Variants in SFT2D1 observed in about 807,000 individuals in gnomAD.
SFT2D1 encodes vesicle transport protein SFT2A.
SFT2D1 carries 24 observed loss-of-function variants against 28.1 expected under a neutral mutation model. The observed-to-expected ratio is 0.85, with a 90% CI of 0.62 to 1.20. The LOEUF is 1.20. Among genes scored for constraint, SFT2D1 ranks in the 50% most tolerant of loss-of-function variants. The pLI is 0.00. For missense variants in SFT2D1, 181 were observed against 190.9 expected (o/e 0.95, Z 0.31); for synonymous variants, 82 against 73.7 (o/e 1.11, Z -0.58).
chr6:166,324,546 G>A lies in SFT2D1; in HGVS notation c.401C>T (p.Ser134Leu), dbSNP rs369011491. ...AVLFCILQFL[S>L]MTWYSLSYIP... ...GTAAGGAAAGACTTACCAGGTCATT[G>A]ACAAGAACTGCAATATGCAGAATAA... Residue 134 changes from serine (S) to leucine (L), a missense_variant, in exon 6 of 8, where the codon TCA becomes TTA. Coordinates refer to ENST00000361731, the MANE Select transcript of SFT2D1 (RefSeq NM_145169.3). The A allele has an allele frequency of 1.2e-5, 19 of 1,612,130 alleles. No individual in the cohort carries two copies. Among genetic ancestry groups the A allele is most frequent in the Non-Finnish European group, 1.4e-5 (17 of 1,179,612 alleles).
At chr6:166,328,855 A>G (rs1168455635) in intron 3 of SFT2D1, among the ~76,000 whole-genome samples, 2 of 152,230 alleles carry the variant, frequency 1.3e-5, no homozygotes, top group Admixed American at 1.3e-4. Flanking sequence ...GACAAACAAC[A>G]ACCCAAAGAT....
chr6:166,329,750 A>T (rs1349816038), intron 2 of SFT2D1, among the ~76,000 whole-genome samples, 161 bp from the exon 3 acceptor site: 1 of 152,188 alleles, frequency 6.6e-6, no homozygotes, highest in East Asian at 1.9e-4. Flanking sequence ...AAAATAGTTA[A>T]TTTTCAATGT....
At chr6:166,324,326 G>A (rs1778405728) in intron 6 of SFT2D1, 1 of 481,598 alleles carries the variant, frequency 2.1e-6, no homozygotes. Context: ...AACTCTACGA[G>A]CACAGCACCC....
At chr6:166,323,015 C>G in intron 6 of SFT2D1, 129 bp from the exon 7 acceptor site, 1 of 692,014 alleles carries the variant, frequency 1.4e-6, no homozygotes, top group East Asian at 2.8e-5. Context: ...AAAGTGTGAC[C>G]CCGACCAGCA....
intron 1 of SFT2D1, among the ~76,000 whole-genome samples, chr6:166,339,285 C>T (rs1401905153): frequency 6.6e-6 from 1 of 152,098 alleles, no homozygotes; most frequent in East Asian, 1.9e-4. Flanking sequence ...GGTGTCTGCC[C>T]TCCTCACTGC....
At chr6:166,334,748 C>T (rs1462651003) in intron 1 of SFT2D1, 17 of 361,176 alleles carry the variant, frequency 4.7e-5, no homozygotes, top group South Asian at 4.3e-4. Context: ...ACCAAGCACT[C>T]TGGGGCTTTG....
At position 166,340,942 on chromosome 6, in the gene SFT2D1, C is replaced by A. The variant is rs1778767811; in HGVS notation, c.63+1477G>T. Among the ~76,000 whole-genome samples the A allele has an allele frequency of 2.0e-5, 3 of 152,316 alleles. No individual in the cohort carries two copies. In the South Asian group the frequency reaches 6.2e-4, roughly 32 times the overall value. On this transcript the variant is annotated intron_variant, in intron 1 of 7. Coordinates refer to ENST00000361731, the MANE Select transcript of SFT2D1 (RefSeq NM_145169.3). ...ACTTCTCCACATATCTTTCTCCCCT[C>A]TAGACAGTGGGCTCAAGATAAGTGA...
At chr6:166,324,436 C>CA in intron 6 of SFT2D1, 101 bp downstream of exon 6, 5 of 1,196,824 alleles carry the variant, frequency 4.2e-6, no homozygotes, top group Non-Finnish European at 4.8e-6. Context: ...TGTCTGGCTC[C>CA]AAAACACCAG....
At chr6:166,328,658 C>T (rs551760770) in intron 3 of SFT2D1, among the ~76,000 whole-genome samples, 6 of 152,330 alleles carry the variant, frequency 3.9e-5, no homozygotes, top group East Asian at 1.9e-4. Context: ...GAGAGGCTGC[C>T]TGGGGGTTGC....
intron 1 of SFT2D1, among the ~76,000 whole-genome samples, chr6:166,340,937 C>T (rs772819655): frequency 5.9e-5 from 9 of 152,188 alleles, no homozygotes; most frequent in Non-Finnish European, 1.0e-4. Context: ...ATATCTTTCT[C>T]CCCTCTAGAC....
intron 1 of SFT2D1, chr6:166,335,207 G>A (rs1226770617): frequency 4.9e-6 from 3 of 614,466 alleles, no homozygotes; most frequent in Non-Finnish European, 6.1e-6. Flanking sequence ...GGTTTTGGTG[G>A]GAATGACAAC....
At chr6:166,331,691 G>T (rs1464181251) in intron 1 of SFT2D1, among the ~76,000 whole-genome samples, 2 of 152,234 alleles carry the variant, frequency 1.3e-5, no homozygotes, top group African/African-American at 4.8e-5. Flanking sequence ...CATAGTAAAT[G>T]ATCTGTTAAA....
chr6:166,337,864 C>T (rs1316809048), intron 1 of SFT2D1, among the ~76,000 whole-genome samples: 1 of 152,148 alleles, frequency 6.6e-6, no homozygotes, highest in East Asian at 1.9e-4. Flanking sequence ...GGTGATGGTA[C>T]TGGAAGATGG....
intron 1 of SFT2D1, among the ~76,000 whole-genome samples, chr6:166,336,110 T>G (rs767658654): frequency 3.9e-5 from 6 of 152,242 alleles, no homozygotes; most frequent in Non-Finnish European, 8.8e-5. Flanking sequence ...AAACGTGCTG[T>G]GTAAAGTTAG....
intron 4 of SFT2D1, among the ~76,000 whole-genome samples, chr6:166,327,790 A>G (rs2114897646): frequency 6.6e-6 from 1 of 151,684 alleles, no homozygotes; most frequent in Non-Finnish European, 1.5e-5. Context: ...CTCTATAACC[A>G]CATAGGATAT....
intron 1 of SFT2D1, 60 bp from the exon 2 acceptor site, chr6:166,330,307 T>C: frequency 8.6e-7 from 1 of 1,168,168 alleles, no homozygotes; most frequent in Non-Finnish European, 1.2e-6. Context: ...TCTGATTCTT[T>C]ATACTAAATT....
At chr6:166,339,464 C>T (rs184099229) in intron 1 of SFT2D1, among the ~76,000 whole-genome samples, 60 of 152,276 alleles carry the variant, frequency 3.9e-4, no homozygotes, top group Admixed American at 3.1e-3. Flanking sequence ...ACATGTTCCC[C>T]GACCCCACTG....
intron 7 of SFT2D1, among the ~76,000 whole-genome samples, chr6:166,321,887 A>C (rs1778364581): frequency 6.6e-6 from 1 of 152,104 alleles, no homozygotes. Context: ...TTTCCCAGTA[A>C]CTTCCTTTTT....
At position 166,338,224 on chromosome 6, in the gene SFT2D1, T is replaced by C. The variant is rs186139571; in HGVS notation, c.63+4195A>G. ...AACTCTGTAGAATGTTCCGGCATTATGTTCTTGTCATCTAACTCCCAACAA... is the reference window on the plus strand; with the variant it reads ...AACTCTGTAGAATGTTCCGGCATTACGTTCTTGTCATCTAACTCCCAACAA... On this transcript the variant is annotated intron_variant, in intron 1 of 7. Transcript: ENST00000361731. 8.2e-3 allele frequency among the ~76,000 whole-genome samples: 1,255 copies of C among 152,338 alleles called. 19 individuals carry two copies. The highest frequency in any genetic ancestry group is 0.014 in the Middle Eastern group (4 of 294).
Sources: allele counts gnomAD v4.1 joint callset (sites outside exome capture counted in the v4.1 genomes callset), GRCh38; gene constraint gnomAD v4.1.1; transcripts MANE v1.5; gene names NCBI Gene and HGNC (gene_info 2026-07-23, HGNC 2026-07-21).